The following ZFHX3 variants were observed in gnomAD, a reference collection of about 807,000 sequenced individuals.
The protein encoded by ZFHX3 is zinc finger homeobox 3, also known as zinc finger homeobox protein 3.
Under a neutral mutation model 279.1 loss-of-function variants are expected in ZFHX3, and 42 were observed. The observed-to-expected ratio is 0.15, with a 90% confidence interval of 0.12 to 0.19. The LOEUF (loss-of-function observed/expected upper bound fraction) is 0.19, where lower values mean the gene tolerates loss of function less well. ZFHX3 is among the 10% of genes least tolerant of loss of function. The probability of loss-of-function intolerance (pLI) is 1.00; values close to 1 mark genes in which losing one functional copy is unlikely to be tolerated. For missense variants in ZFHX3, 4,981 were observed against 4,754.0 expected (o/e 1.05, Z -1.40); for synonymous variants, 2,293 against 1,957.8 (o/e 1.17, Z -4.52).
intron 1 of ZFHX3, among the ~76,000 whole-genome samples, chr16:73,839,077 A>T (rs1295177256): frequency 6.6e-6 from 1 of 152,032 alleles, no homozygotes; most frequent in East Asian, 1.9e-4. Flanking sequence ...GGGTACTTGC[A>T]GCTCCCCTTA....
intron 3 of ZFHX3, among the ~76,000 whole-genome samples, chr16:73,420,449 G>A (rs1374107577): frequency 6.6e-6 from 1 of 152,174 alleles, no homozygotes; most frequent in African/African-American, 2.4e-5. Context: ...CCACTGCAGG[G>A]AAGGCGGCGT....
At chr16:73,393,071 G>T (rs1220959147) in intron 3 of ZFHX3, among the ~76,000 whole-genome samples, 1 of 152,168 alleles carries the variant, frequency 6.6e-6, no homozygotes, top group Admixed American at 6.6e-5. Context: ...CTGACCTCAG[G>T]TGACCTGCCC....
chr16:73,055,678 ACGCGCGCG>A (rs141836776), intron 1 of ZFHX3, among the ~76,000 whole-genome samples: 50 of 117,380 alleles, frequency 4.3e-4, no homozygotes, highest in African/African-American at 9.6e-4. Context: ...GTGCAGACGT[ACGCGCGCG>A]CGCGCGCGCG....
chr16:73,238,428 C>T (rs1033154995), intron 5 of ZFHX3, among the ~76,000 whole-genome samples: 3 of 152,150 alleles, frequency 2.0e-5, no homozygotes, highest in Non-Finnish European at 4.4e-5. Flanking sequence ...TGCCTCCCTT[C>T]ACCCTCTTCT....
chr16:73,723,954 T>C (rs567238765), intron 1 of ZFHX3, among the ~76,000 whole-genome samples: 15 of 152,324 alleles, frequency 9.8e-5, no homozygotes, highest in African/African-American at 3.1e-4. Flanking sequence ...TTTGGCAGCA[T>C]AGTAGATCGC....
At chr16:73,087,726 G>A (rs1966025134) in intron 8 of ZFHX3, among the ~76,000 whole-genome samples, 2 of 152,096 alleles carry the variant, frequency 1.3e-5, no homozygotes, top group South Asian at 2.1e-4. Flanking sequence ...TGTCCCCAAA[G>A]TCTAATACAT....
At chr16:73,586,237 A>G (rs997483483) in intron 2 of ZFHX3, among the ~76,000 whole-genome samples, 4 of 151,220 alleles carry the variant, frequency 2.6e-5, no homozygotes, top group African/African-American at 4.9e-5. Context: ...AAAAATAAAA[A>G]AATCAGCTGG....
chr16:73,309,187 C>T (rs556417167), intron 4 of ZFHX3, among the ~76,000 whole-genome samples: 129 of 152,192 alleles, frequency 8.5e-4, no homozygotes, highest in Non-Finnish European at 1.7e-3. Flanking sequence ...GAGTACTAAG[C>T]CTAGTACCCC....
At chr16:72,839,711 T>C (rs1222699965) in intron 4 of ZFHX3, among the ~76,000 whole-genome samples, 3 of 151,836 alleles carry the variant, frequency 2.0e-5, no homozygotes, top group Non-Finnish European at 4.4e-5. Context: ...AACCATTTTG[T>C]GGATTCAGAG....
At chr16:73,088,427 C>T (rs776742817) in intron 8 of ZFHX3, among the ~76,000 whole-genome samples, 1 of 152,210 alleles carries the variant, frequency 6.6e-6, no homozygotes, top group Non-Finnish European at 1.5e-5. Context: ...TGCTGAAATA[C>T]AGGCATGAAC....
chr16:73,173,008 G>GTTTTTTTTTTTT (rs869289153), intron 5 of ZFHX3, among the ~76,000 whole-genome samples: 92 of 49,882 alleles, frequency 1.8e-3, no homozygotes, highest in East Asian at 4.3e-3. Flanking sequence ...TTTTTTTTTT[G>GTTTTTTTTTTTT]TTTTTTTTTT....
intron 3 of ZFHX3, among the ~76,000 whole-genome samples, chr16:73,334,159 C>T (rs375663328): frequency 2.0e-5 from 3 of 152,166 alleles, no homozygotes; most frequent in East Asian, 1.9e-4. Context: ...GGAGTCGCCA[C>T]GGCCAGAGGA....
chr16:73,650,669 T>C (rs1442833469), intron 2 of ZFHX3, among the ~76,000 whole-genome samples: 1 of 152,190 alleles, frequency 6.6e-6, no homozygotes, highest in Non-Finnish European at 1.5e-5. Context: ...AGTAATCACA[T>C]TAGCTAAGTA....
At chr16:73,403,854 C>T (rs531478510) in intron 3 of ZFHX3, among the ~76,000 whole-genome samples, 125 of 152,218 alleles carry the variant, frequency 8.2e-4, no homozygotes, top group South Asian at 5.6e-3. Flanking sequence ...AAGGAAGGAT[C>T]GGCAAATTTG....
intron 4 of ZFHX3, among the ~76,000 whole-genome samples, chr16:73,313,463 T>C (rs1228933540): frequency 6.6e-6 from 1 of 152,220 alleles, no homozygotes; most frequent in South Asian, 2.1e-4. Flanking sequence ...ATGCTGCACC[T>C]ATACAACTTA....
chr16:73,782,726 T>G (rs1257762223), intron 1 of ZFHX3, among the ~76,000 whole-genome samples: 1 of 152,184 alleles, frequency 6.6e-6, no homozygotes, highest in Non-Finnish European at 1.5e-5. Flanking sequence ...GGTTCTGCCC[T>G]TGTCTGCAAT....
intron 3 of ZFHX3, among the ~76,000 whole-genome samples, chr16:73,453,620 C>T (rs1290808133): frequency 6.6e-6 from 1 of 152,164 alleles, no homozygotes; most frequent in Admixed American, 6.5e-5. Flanking sequence ...ACAGTCCAGC[C>T]CCGTGGATTC....
intron 4 of ZFHX3, among the ~76,000 whole-genome samples, chr16:73,290,746 C>G (rs1041771937): frequency 1.3e-5 from 2 of 149,856 alleles, no homozygotes; most frequent in Admixed American, 1.3e-4. Context: ...GAGGAAAGAG[C>G]CACTAAGGTG....
intron 4 of ZFHX3, among the ~76,000 whole-genome samples, chr16:72,852,552 A>C (rs2037643495): frequency 1.3e-5 from 2 of 152,248 alleles, no homozygotes; most frequent in South Asian, 4.1e-4. Flanking sequence ...CCCAAAATGG[A>C]GACAGCTGTG....
Sources: gnomAD v4.1 joint callset for allele counts (sites outside exome capture counted in the v4.1 genomes callset) on GRCh38, gnomAD v4.1.1 for gene constraint, MANE v1.5 for transcripts, NCBI Gene and HGNC (gene_info 2026-07-23, HGNC 2026-07-21) for gene names.